Variants in CALN1 observed in about 807,000 individuals in gnomAD.
CALN1 encodes calneuron 1.
Under a neutral mutation model 30.6 loss-of-function variants are expected in CALN1, and 17 were observed. That is an observed-to-expected ratio of 0.56 (90% CI 0.38 to 0.83). The LOEUF is 0.83. Ranked by LOEUF, CALN1 falls within the 40% of genes least tolerant of loss-of-function variation. The pLI, the probability that CALN1 is intolerant of heterozygous loss-of-function variation, is 0.00. For synonymous variants in CALN1, 156 were observed against 131.4 expected (o/e 1.19, Z -1.28); for missense variants, 291 against 354.9 (o/e 0.82, Z 1.45).
chr7:72,501,370 T>TAAAAAAAA, the CALN1 span, among the ~76,000 whole-genome samples: 57 of 42,806 alleles, frequency 1.3e-3, 1 homozygote, highest in African/African-American at 1.6e-3. Context: ...ACGTCTCTAT[T>TAAAAAAAA]AAAAAAAAAA....
intron 2 of CALN1, among the ~76,000 whole-genome samples, chr7:72,390,020 G>A (rs779199570): frequency 6.6e-6 from 1 of 152,098 alleles, no homozygotes; most frequent in Non-Finnish European, 1.5e-5. Context: ...ATGGCTTACT[G>A]CTGGGGTAGT....
intron 2 of CALN1, among the ~76,000 whole-genome samples, chr7:72,364,515 GTCTC>G (rs1173893527): frequency 2.0e-5 from 3 of 152,190 alleles, no homozygotes; most frequent in South Asian, 2.1e-4. Context: ...GGAGTTTTGT[GTCTC>G]TCTCTCTTTT....
intron 5 of CALN1, among the ~76,000 whole-genome samples, chr7:71,832,346 G>A (rs1789337693): frequency 6.6e-6 from 1 of 152,176 alleles, no homozygotes; most frequent in South Asian, 2.1e-4. Flanking sequence ...ATTTCTGATG[G>A]GGTTTTGAAG....
At chr7:72,353,610 T>C (rs1803063283) in intron 2 of CALN1, among the ~76,000 whole-genome samples, 1 of 152,110 alleles carries the variant, frequency 6.6e-6, no homozygotes, top group African/African-American at 2.4e-5. Context: ...AACCTACAGC[T>C]AACATCACAC....
rs1233784184 is a variant in CALN1, at chr7:72,054,540, TATAC to T, written c.389-30775_389-30772del. Among the ~76,000 whole-genome samples, 23 of 106,876 alleles carry T rather than the reference TATAC, an allele frequency of 2.2e-4. 1 individual carries two copies. The highest frequency in any genetic ancestry group is 9.9e-4 in the Admixed American group (10 of 10,070). The allele number at this position is 106,876 out of a possible 152,430, so 70.1% of individuals were successfully genotyped here. On this transcript the variant is annotated intron_variant, in intron 4 of 6. Coordinates refer to ENST00000395275, the MANE Select transcript of CALN1 (RefSeq NM_031468.4). ...ATATACATATATACATACATATATA[TATAC>T]ATATATATATATATATAATGGAATA... is the stretch of plus-strand genomic sequence containing the variant.
At chr7:71,815,122 C>A (rs1584280397) in intron 5 of CALN1, among the ~76,000 whole-genome samples, 1 of 152,278 alleles carries the variant, frequency 6.6e-6, no homozygotes, top group African/African-American at 2.4e-5. Context: ...CGTGAGTCAA[C>A]ACAACCAGCC....
At chr7:72,118,692 TTTAAATATGTATGA>T (rs1808167928) in intron 3 of CALN1, among the ~76,000 whole-genome samples, 1 of 95,120 alleles carries the variant, frequency 1.1e-5, no homozygotes, top group African/African-American at 4.0e-5. Flanking sequence ...GTGGATGAGA[TTTAAATATGTATGA>T]GAGTGATAAT....
At position 71,787,655 on chromosome 7, in the gene CALN1, TCCATCGTC is replaced by T; in HGVS notation, c.*112_*119del. 4 of 1,414,358 alleles carry T rather than the reference TCCATCGTC, an allele frequency of 2.8e-6. No homozygotes were observed. Among genetic ancestry groups the T allele is most frequent in the Non-Finnish European group, 3.8e-6 (4 of 1,054,534 alleles). 87.6% of individuals were successfully genotyped at this position (1,414,358 alleles called of 1,614,324 possible). The stretch of plus-strand genomic sequence containing the variant: ...AACCTTGGGTTCTTTACTGAACGGT[TCCATCGTC>T]CGCATCCATCCATAGTCCATAGGTC... On this transcript the variant is annotated 3_prime_UTR_variant, in exon 7 of 7. Coordinates refer to ENST00000395275, the MANE Select transcript of CALN1 (RefSeq NM_031468.4).
Position 72,200,640 on chromosome 7 carries a change from C to T in CALN1, c.244+78046G>A, listed in dbSNP as rs188775059. Reference sequence around the variant, plus strand: ...GCCCAGGTTCTACCAGTGCACCATGCTATGCCCCTGGGGGATGCGGTCTCC... The same window carrying T: ...GCCCAGGTTCTACCAGTGCACCATGTTATGCCCCTGGGGGATGCGGTCTCC... On this transcript the variant is annotated intron_variant, in intron 3 of 6. Transcript: ENST00000395275. 2.1e-3 allele frequency among the ~76,000 whole-genome samples: 315 copies of T among 152,068 alleles called. 1 individual carries two copies. Among genetic ancestry groups the T allele is most frequent in the Non-Finnish European group, 4.9e-4 (33 of 67,990 alleles).
chr7:72,072,553 C>T (rs1353392089), intron 4 of CALN1, among the ~76,000 whole-genome samples: 1 of 152,082 alleles, frequency 6.6e-6, no homozygotes. Context: ...TAGACAGTAA[C>T]TTGAAGCGAT....
intron 5 of CALN1, among the ~76,000 whole-genome samples, chr7:71,819,118 T>C (rs1788442311): frequency 6.6e-6 from 1 of 152,040 alleles, no homozygotes; most frequent in African/African-American, 2.4e-5. Flanking sequence ...GCCTCCTGAG[T>C]AGCTGGGACT....
chr7:72,293,602 G>A (rs1048782404), intron 2 of CALN1, among the ~76,000 whole-genome samples: 5 of 152,128 alleles, frequency 3.3e-5, no homozygotes, highest in Non-Finnish European at 7.3e-5. Context: ...AGGAGAAAAA[G>A]GCAGATAAAT....
chr7:72,199,620 G>A (rs994924975), intron 3 of CALN1, among the ~76,000 whole-genome samples: 1 of 152,188 alleles, frequency 6.6e-6, no homozygotes, highest in Non-Finnish European at 1.5e-5. Context: ...GAAGGCTGAA[G>A]CAAAAGAATC....
chr7:71,932,383 T>C (rs540405295), intron 5 of CALN1, among the ~76,000 whole-genome samples: 3 of 152,102 alleles, frequency 2.0e-5, no homozygotes, highest in South Asian at 2.1e-4. Flanking sequence ...TCTAGGCTGG[T>C]CTTGAACTCC....
the CALN1 span, among the ~76,000 whole-genome samples, chr7:72,454,527 G>A: frequency 6.6e-6 from 1 of 152,316 alleles, no homozygotes; most frequent in Admixed American, 6.5e-5. Flanking sequence ...ACTAATCCAG[G>A]TCCCAGCTCA....
At chr7:72,407,180 G>A (rs1013848545) in intron 1 of CALN1, among the ~76,000 whole-genome samples, 3 of 152,198 alleles carry the variant, frequency 2.0e-5, no homozygotes, top group Admixed American at 1.3e-4. Flanking sequence ...TCAAATCCTG[G>A]CTGTGCCACT....
rs141898110 is a variant in CALN1 at position 72,080,019 on chromosome 7, C to T, written c.388+26132G>A. Among the ~76,000 whole-genome samples the T allele has an allele frequency of 2.2e-3, 340 of 152,138 alleles. 1 individual carries two copies. Among genetic ancestry groups the T allele is most frequent in the Non-Finnish European group, 4.1e-3 (281 of 67,996 alleles). On this transcript the variant is annotated intron_variant, in intron 4 of 6. Transcript: ENST00000395275. ...CTCCTAACCTCAGGTGTTCTGCTCGCCTCGGCCTCCCGAAGTGCTGGGATT... is the reference window on the plus strand; with the variant it reads ...CTCCTAACCTCAGGTGTTCTGCTCGTCTCGGCCTCCCGAAGTGCTGGGATT...
At chr7:72,031,138 G>A (rs1584783547) in intron 4 of CALN1, among the ~76,000 whole-genome samples, 1 of 152,176 alleles carries the variant, frequency 6.6e-6, no homozygotes, top group Admixed American at 6.5e-5. Flanking sequence ...CAGTCTGCCT[G>A]TGCTTTTTGT....
At chr7:72,184,115 C>A (rs958504037) in intron 3 of CALN1, among the ~76,000 whole-genome samples, 1 of 152,210 alleles carries the variant, frequency 6.6e-6, no homozygotes, top group Non-Finnish European at 1.5e-5. Flanking sequence ...AAATGATAAT[C>A]TCTCCTTCCT....
Sources: gnomAD v4.1 joint callset for allele counts (sites outside exome capture counted in the v4.1 genomes callset) on GRCh38, gnomAD v4.1.1 for gene constraint, MANE v1.5 for transcripts, NCBI Gene and HGNC (gene_info 2026-07-23, HGNC 2026-07-21) for gene names.